Variants in FRS2 observed in about 807,000 individuals in gnomAD.
FRS2 encodes the protein fibroblast growth factor receptor substrate 2.
In FRS2, 8 loss-of-function variants were observed where a neutral mutation model predicts 43.9. That is an observed-to-expected ratio of 0.18 (90% CI 0.11 to 0.33). FRS2 has a LOEUF of 0.33. Ranked by LOEUF, FRS2 falls within the 10% of genes least tolerant of loss-of-function variation. The pLI is 1.00. For synonymous variants in FRS2, 219 were observed against 220.3 expected (o/e 0.99, Z 0.05); for missense variants, 534 against 627.6 (o/e 0.85, Z 1.59).
intron 3 of FRS2, 32 bp from the exon 4 acceptor site, chr12:69,562,148 A>G: frequency 2.5e-6 from 1 of 397,646 alleles, no homozygotes. Flanking sequence ...TTTAGAAATG[A>G]GAAATTCTCA....
At chr12:69,521,913 C>G (rs1220253350) in intron 1 of FRS2, among the ~76,000 whole-genome samples, 1 of 152,164 alleles carries the variant, frequency 6.6e-6, no homozygotes, top group Non-Finnish European at 1.5e-5. Context: ...CGCGCCCAGC[C>G]TTGTTGAGAG....
chr12:69,564,930 A>G (rs931282726), intron 4 of FRS2, among the ~76,000 whole-genome samples: 1 of 152,200 alleles, frequency 6.6e-6, no homozygotes, highest in African/African-American at 2.4e-5. Context: ...ATTGAACTCA[A>G]ACATTCAGTG....
chr12:69,562,152 A>AT, intron 3 of FRS2, 28 bp from the exon 4 acceptor site: 1 of 397,702 alleles, frequency 2.5e-6, no homozygotes, highest in Non-Finnish European at 4.4e-6. Context: ...GAAATGAGAA[A>AT]TTCTCAATGT....
intron 4 of FRS2, among the ~76,000 whole-genome samples, chr12:69,567,427 T>C (rs1302401385): frequency 6.6e-6 from 1 of 152,180 alleles, no homozygotes. Context: ...TCCATTTAAA[T>C]CACAGGTCCT....
chr12:69,473,784 G>C (rs955914497), intron 1 of FRS2, among the ~76,000 whole-genome samples: 1 of 152,144 alleles, frequency 6.6e-6, no homozygotes, highest in African/African-American at 2.4e-5. Flanking sequence ...CCTCAATGTC[G>C]TAGGTGGGTG....
chr12:69,565,544 AT>A (rs935793108), intron 4 of FRS2, among the ~76,000 whole-genome samples: 6 of 152,058 alleles, frequency 3.9e-5, no homozygotes, highest in East Asian at 1.9e-4. Context: ...GTACAGAAGT[AT>A]TTTTTTATAT....
chr12:69,503,929 C>T (rs534909094), intron 1 of FRS2, among the ~76,000 whole-genome samples: 5 of 151,978 alleles, frequency 3.3e-5, no homozygotes, highest in Admixed American at 1.3e-4. Flanking sequence ...TTTGGCTGGG[C>T]CCGGTGGCTC....
At chr12:69,513,000 G>C (rs1373991109) in intron 1 of FRS2, among the ~76,000 whole-genome samples, 1 of 152,082 alleles carries the variant, frequency 6.6e-6, no homozygotes, top group Non-Finnish European at 1.5e-5. Flanking sequence ...ATTCAGCTAG[G>C]AATCAGAAGA....
At chr12:69,486,962 A>G (rs1275476064) in intron 1 of FRS2, among the ~76,000 whole-genome samples, 1 of 152,256 alleles carries the variant, frequency 6.6e-6, no homozygotes, top group Non-Finnish European at 1.5e-5. Context: ...GTAACATAAA[A>G]GTGCAAGGTG....
rs182238961 is a variant in FRS2 at position 69,493,830 on chromosome 12, A to G, written c.-261+23300A>G. Among the ~76,000 whole-genome samples the G allele has an allele frequency of 5.6e-4, 85 of 152,336 alleles. 1 individual carries two copies. The highest frequency in any genetic ancestry group is 3.4e-3 in the Middle Eastern group (1 of 294). ...CGTTAAGTGTACTTTCATTCCCTTT[A>G]GAAAATACTAGCTGCATATACATAG... is the stretch of plus-strand genomic sequence containing the variant. On this transcript the variant is annotated intron_variant, in intron 1 of 8. Coordinates refer to ENST00000549921, the MANE Select transcript of FRS2 (RefSeq NM_001278356.2).
chr12:69,519,013 A>AT (rs967033614), intron 1 of FRS2, among the ~76,000 whole-genome samples: 13 of 152,050 alleles, frequency 8.5e-5, no homozygotes, highest in Non-Finnish European at 1.3e-4. Flanking sequence ...AAAAAAAAAA[A>AT]AAGTTTTAAC....
At chr12:69,470,950 C>T (rs1870223728) in intron 1 of FRS2, among the ~76,000 whole-genome samples, 1 of 152,124 alleles carries the variant, frequency 6.6e-6, no homozygotes, top group South Asian at 2.1e-4. Flanking sequence ...TGGGTCTGTC[C>T]TGGGGTCAGT....
rs532050959 is a variant in FRS2 at position 69,561,294 on chromosome 12, ATTGAAGTTCAGAGTTGAAATTGTTGCAT to A, written c.-121-860_-121-833del. Among the ~76,000 whole-genome samples the A allele has an allele frequency of 4.8e-4, 73 of 152,344 alleles. No individual in the cohort carries two copies. The East Asian group carries it at 9.1e-3, about 19-fold the overall frequency. The stretch of plus-strand genomic sequence containing the variant: ...CTGGCATGCTGATTTTATATATAAA[ATTGAAGTTCAGAGTTGAAATTGTTGCAT>A]TTGAAGTTCAGAGTTGAAATTGTTG... On this transcript the variant is annotated intron_variant, in intron 3 of 8. Coordinates refer to ENST00000549921, the MANE Select transcript of FRS2 (RefSeq NM_001278356.2).
At chr12:69,530,489 A>G (rs1279352311) in intron 1 of FRS2, among the ~76,000 whole-genome samples, 1 of 152,164 alleles carries the variant, frequency 6.6e-6, no homozygotes, top group Non-Finnish European at 1.5e-5. Context: ...CTGTAATCCT[A>G]GCACTTTGGG....
chr12:69,554,054 A>C (rs1007299856), intron 3 of FRS2, among the ~76,000 whole-genome samples: 3 of 152,108 alleles, frequency 2.0e-5, no homozygotes, highest in Non-Finnish European at 4.4e-5. Context: ...TACTCATTAG[A>C]GTTTCCCTAC....
At chr12:69,513,252 T>C (rs1482183994) in intron 1 of FRS2, among the ~76,000 whole-genome samples, 1 of 152,096 alleles carries the variant, frequency 6.6e-6, no homozygotes, top group Non-Finnish European at 1.5e-5. Context: ...CTGAAAAGAT[T>C]TGCTTTTTTA....
rs137872659 is a variant in FRS2 at position 69,492,700 on chromosome 12, T to G, written c.-261+22170T>G. On this transcript the variant is annotated intron_variant, in intron 1 of 8. Coordinates refer to ENST00000549921, the MANE Select transcript of FRS2 (RefSeq NM_001278356.2). Reference sequence around the variant, plus strand: ...TAGGGATGCTCTAACTATTCTTCCCTGACGTGAAAACATACACAAAAGCTC... The same window carrying G: ...TAGGGATGCTCTAACTATTCTTCCCGGACGTGAAAACATACACAAAAGCTC... 5.8e-3 allele frequency among the ~76,000 whole-genome samples: 887 copies of G among 152,336 alleles called. 8 individuals are homozygous for G. Among genetic ancestry groups the G allele is most frequent in the African/African-American group, 0.021 (854 of 41,570 alleles).
chr12:69,519,254 C>T (rs1228651684), intron 1 of FRS2, among the ~76,000 whole-genome samples: 1 of 152,102 alleles, frequency 6.6e-6, no homozygotes, highest in Non-Finnish European at 1.5e-5. Context: ...AAAGGCAAAC[C>T]TGCTTTAATA....
intron 1 of FRS2, among the ~76,000 whole-genome samples, chr12:69,519,542 T>C (rs970010104): frequency 6.6e-6 from 1 of 152,120 alleles, no homozygotes; most frequent in Non-Finnish European, 1.5e-5. Flanking sequence ...TTTTTTCTGC[T>C]CCTCTCCCTC....
Sources: allele counts gnomAD v4.1 joint callset (sites outside exome capture counted in the v4.1 genomes callset), GRCh38; gene constraint gnomAD v4.1.1; transcripts MANE v1.5; gene names NCBI Gene and HGNC (gene_info 2026-07-23, HGNC 2026-07-21).